Variants in PLEKHM3 observed in about 807,000 individuals in gnomAD.
The protein encoded by PLEKHM3 is pleckstrin homology domain containing M3, also known as pleckstrin homology domain-containing family M member 3.
Under a neutral mutation model 81.8 loss-of-function variants are expected in PLEKHM3, and 45 were observed. That is an observed-to-expected ratio of 0.55 (90% confidence interval 0.43 to 0.71). The LOEUF (loss-of-function observed/expected upper bound fraction) is 0.71, where lower values mean the gene tolerates loss of function less well. PLEKHM3 is among the 30% of genes least tolerant of loss of function. PLEKHM3 has a pLI of 0.00. For missense variants in PLEKHM3, 788 were observed against 924.3 expected (o/e 0.85, Z 1.91); for synonymous variants, 352 against 356.4 (o/e 0.99, Z 0.14).
Position 207,929,968 on chromosome 2 carries a change from T to C in PLEKHM3, c.1886+958A>G, listed in dbSNP as rs1328581238. 1.3e-5 allele frequency: 9 copies of C among 693,124 alleles called. No individual in the cohort carries two copies. The East Asian group carries it at 2.4e-4, about 19-fold the overall frequency. 42.9% of individuals were successfully genotyped at this position (693,124 alleles called of 1,614,324 possible). On this transcript the variant is annotated intron_variant, in intron 5 of 7. Transcript: ENST00000427836. ...ATTAAAACAAAAAAATTAAAAGGTA[T>C]TTTTAGAGACTTATGAACGCCATCA...
chr2:208,022,102 T>C (rs543072021), intron 1 of PLEKHM3, among the ~76,000 whole-genome samples: 80 of 152,340 alleles, frequency 5.3e-4, no homozygotes, highest in African/African-American at 1.8e-3. Flanking sequence ...AGGCTTTTCA[T>C]ACATTCACCA....
At chr2:207,940,056 T>C (rs1689886876) in intron 4 of PLEKHM3, among the ~76,000 whole-genome samples, 1 of 152,178 alleles carries the variant, frequency 6.6e-6, no homozygotes, top group Non-Finnish European at 1.5e-5. Flanking sequence ...TGGGAACTGT[T>C]GAGTTTGATG....
intron 4 of PLEKHM3, among the ~76,000 whole-genome samples, chr2:207,937,538 C>T (rs2105952138): frequency 6.6e-6 from 1 of 150,450 alleles, no homozygotes; most frequent in Admixed American, 6.6e-5. Flanking sequence ...CCACTGCACT[C>T]CAGCCTGGGT....
intron 7 of PLEKHM3, among the ~76,000 whole-genome samples, chr2:207,857,906 G>C (rs1051247243): frequency 2.7e-5 from 4 of 150,248 alleles, no homozygotes; most frequent in Non-Finnish European, 4.4e-5. Flanking sequence ...AGTTTCTTAA[G>C]GTGAAATTTT....
intron 5 of PLEKHM3, among the ~76,000 whole-genome samples, chr2:207,928,334 C>A (rs1021926609): frequency 6.6e-6 from 1 of 152,244 alleles, no homozygotes; most frequent in Admixed American, 6.5e-5. Flanking sequence ...TCCATCCACT[C>A]TCCCTTGCTC....
At chr2:207,908,429 G>T in intron 6 of PLEKHM3, 85 bp downstream of exon 6, 1 of 1,254,644 alleles carries the variant, frequency 8.0e-7, no homozygotes, top group South Asian at 1.3e-5. Context: ...CCCAATGATG[G>T]CAGAATACGG....
chr2:207,962,924 T>TAAAA (rs11388264), intron 3 of PLEKHM3, among the ~76,000 whole-genome samples: 2 of 135,772 alleles, frequency 1.5e-5, no homozygotes, highest in Non-Finnish European at 3.1e-5. Flanking sequence ...AGTCAAAAAT[T>TAAAA]AAAAAAAAAA....
chr2:207,991,144 G>A (rs1240899097), intron 2 of PLEKHM3, among the ~76,000 whole-genome samples: 2 of 152,148 alleles, frequency 1.3e-5, no homozygotes, highest in African/African-American at 2.4e-5. Flanking sequence ...TGAGGTTTTG[G>A]ACCCAGGAAA....
At chr2:207,947,624 G>C (rs1690177670) in intron 3 of PLEKHM3, among the ~76,000 whole-genome samples, 1 of 151,766 alleles carries the variant, frequency 6.6e-6, no homozygotes, top group Non-Finnish European at 1.5e-5. Context: ...TTATGGTTGG[G>C]TGCCAAGAAC....
intron 4 of PLEKHM3, among the ~76,000 whole-genome samples, chr2:207,937,775 T>C (rs1277235048): frequency 1.3e-5 from 2 of 152,166 alleles, no homozygotes; most frequent in African/African-American, 4.8e-5. Context: ...GGTAAAACAT[T>C]TCCTTCCTGT....
At chr2:207,859,178 C>G (rs1273313738) in intron 7 of PLEKHM3, among the ~76,000 whole-genome samples, 1 of 121,112 alleles carries the variant, frequency 8.3e-6, no homozygotes, top group Non-Finnish European at 1.7e-5. Context: ...ACTTTTGTTG[C>G]CCAGGCTGGA....
At chr2:208,004,048 C>A (rs1692410145) in intron 1 of PLEKHM3, among the ~76,000 whole-genome samples, 1 of 150,798 alleles carries the variant, frequency 6.6e-6, no homozygotes, top group Non-Finnish European at 1.5e-5. Flanking sequence ...GTTTCTTTCT[C>A]TTTTTTTTTT....
At chr2:207,840,370 T>C (rs1283013042) in intron 7 of PLEKHM3, among the ~76,000 whole-genome samples, 1 of 151,860 alleles carries the variant, frequency 6.6e-6, no homozygotes, top group African/African-American at 2.4e-5. Context: ...AAAAAAACCA[T>C]TGTTTTTGCA....
At chr2:207,905,551 G>A (rs1688574456) in intron 6 of PLEKHM3, among the ~76,000 whole-genome samples, 1 of 152,194 alleles carries the variant, frequency 6.6e-6, no homozygotes, top group Admixed American at 6.5e-5. Flanking sequence ...TATTTACTTA[G>A]AAACCAAGGA....
intron 6 of PLEKHM3, among the ~76,000 whole-genome samples, chr2:207,886,185 C>T (rs1687879492): frequency 6.6e-6 from 1 of 152,070 alleles, no homozygotes; most frequent in African/African-American, 2.4e-5. Context: ...ATATTTTAAA[C>T]TAAATATATG....
intron 2 of PLEKHM3, among the ~76,000 whole-genome samples, chr2:207,998,913 A>G (rs1411182654): frequency 6.6e-6 from 1 of 152,214 alleles, no homozygotes; most frequent in Non-Finnish European, 1.5e-5. Flanking sequence ...AGAAGGTGCA[A>G]CTGCTTGTAC....
chr2:207,972,404 T>C (rs1380353795), intron 3 of PLEKHM3, among the ~76,000 whole-genome samples: 1 of 151,856 alleles, frequency 6.6e-6, no homozygotes, highest in Non-Finnish European at 1.5e-5. Flanking sequence ...TTGACCAACA[T>C]GGCAAAACCC....
intron 5 of PLEKHM3, 95 bp from the exon 6 acceptor site, chr2:207,908,672 C>T: frequency 1.9e-6 from 2 of 1,081,016 alleles, no homozygotes; most frequent in Non-Finnish European, 2.7e-6. Flanking sequence ...TTCCTTTCCT[C>T]TGCCCTGTCC....
chr2:207,923,121 A>C (rs964811521), intron 5 of PLEKHM3, among the ~76,000 whole-genome samples: 2 of 152,124 alleles, frequency 1.3e-5, no homozygotes, highest in Non-Finnish European at 2.9e-5. Flanking sequence ...AAAGTTGTGC[A>C]TGTAGGTCAG....
Sources: gnomAD v4.1 joint callset for allele counts (sites outside exome capture counted in the v4.1 genomes callset) on GRCh38, gnomAD v4.1.1 for gene constraint, MANE v1.5 for transcripts, NCBI Gene and HGNC (gene_info 2026-07-23, HGNC 2026-07-21) for gene names.